Variants in SH3KBP1 observed in about 807,000 individuals in gnomAD.
SH3KBP1 encodes the protein SH3 domain containing kinase binding protein 1.
SH3KBP1 carries 8 observed loss-of-function variants against 50.1 expected under a neutral mutation model. The ratio of observed to expected loss-of-function variants is 0.16; its 90% CI spans 0.09 to 0.29. SH3KBP1 has a LOEUF of 0.29. SH3KBP1 is among the 10% of genes least tolerant of loss of function. The probability of loss-of-function intolerance (pLI) is 1.00; values close to 1 mark genes in which losing one functional copy is unlikely to be tolerated. For missense variants in SH3KBP1, 377 were observed against 535.2 expected, an observed-to-expected ratio of 0.70 and a Z score of 2.92; for synonymous variants, 227 against 218.6, an observed-to-expected ratio of 1.04 and a Z score of -0.34.
At chrX:19,874,048 C>CAAAAAA (rs55948760) in intron 1 of SH3KBP1, among the ~76,000 whole-genome samples, 1 of 26,292 alleles carries the variant, frequency 3.8e-5, no homozygotes. Flanking sequence ...GAGTCCATCT[C>CAAAAAA]AAAAAAAAAA....
At chrX:19,773,788 G>A (rs937599769) in intron 2 of SH3KBP1, among the ~76,000 whole-genome samples, 2 of 101,981 alleles carry the variant, frequency 2.0e-5, no homozygotes, top group African/African-American at 3.6e-5. Context: ...CCCGGGAGGC[G>A]GAGCTTGCAG....
chrX:19,561,991 C>A (rs1375842773), intron 13 of SH3KBP1, among the ~76,000 whole-genome samples: 1 of 110,237 alleles, frequency 9.1e-6, no homozygotes, highest in East Asian at 2.9e-4. Context: ...CGCTTGCCAC[C>A]ACCACATCCA....
chrX:19,704,784 T>G (rs2063614917), intron 4 of SH3KBP1, among the ~76,000 whole-genome samples: 1 of 112,288 alleles, frequency 8.9e-6, no homozygotes, highest in East Asian at 2.8e-4. Context: ...CAAATACATA[T>G]CTAAAAACCT....
intron 13 of SH3KBP1, among the ~76,000 whole-genome samples, chrX:19,554,471 G>T (rs1044946351): frequency 9.6e-6 from 1 of 104,402 alleles, no homozygotes; most frequent in African/African-American, 3.5e-5. Context: ...GTACAATCGC[G>T]GCTCACTGCA....
chrX:19,664,851 G>C (rs1242779792), intron 6 of SH3KBP1: 1 of 112,209 alleles, frequency 8.9e-6, no homozygotes, highest in Non-Finnish European at 1.9e-5. Flanking sequence ...TGAATGTAAA[G>C]GGAGTAAAGG....
rs5909316 is a variant in SH3KBP1, at chrX:19,561,073, A to G, written c.1384+8030T>C. Reference sequence around the variant, plus strand: ...TGGGCAACAGAGCAAGACCCTGTCTAAAAAAAAAAAAAAAAAAAAAAGAGC... The same window carrying G: ...TGGGCAACAGAGCAAGACCCTGTCTGAAAAAAAAAAAAAAAAAAAAAGAGC... On this transcript the variant is annotated intron_variant, in intron 13 of 17. Transcript: ENST00000397821. 3.1e-4 allele frequency among the ~76,000 whole-genome samples: 24 copies of G among 78,584 alleles called. 2 individuals are homozygous for G. In the East Asian group the frequency reaches 8.3e-3, roughly 27 times the overall value. The allele number at this position is 78,584 out of a possible 115,157, so 68.2% of individuals were successfully genotyped here. A position where few individuals can be genotyped will look rare whatever the true frequency, so the allele number is the denominator to read the frequency against.
intron 12 of SH3KBP1, among the ~76,000 whole-genome samples, chrX:19,583,780 T>C (rs1202252795): frequency 9.6e-6 from 1 of 104,610 alleles, no homozygotes; most frequent in Non-Finnish European, 1.9e-5. Context: ...ATAATTATGG[T>C]GCTATTAATA....
intron 2 of SH3KBP1, among the ~76,000 whole-genome samples, chrX:19,776,137 C>T (rs1706810887): frequency 9.0e-6 from 1 of 111,661 alleles, no homozygotes; most frequent in South Asian, 3.7e-4. Flanking sequence ...AGAAAGACCT[C>T]AGAAGATACT....
intron 2 of SH3KBP1, among the ~76,000 whole-genome samples, chrX:19,806,192 C>T (rs1442815580): frequency 9.0e-6 from 1 of 111,617 alleles, no homozygotes; most frequent in Non-Finnish European, 1.9e-5. Flanking sequence ...GTATGAAAAG[C>T]ATTTGAGCAG....
At chrX:19,760,041 C>CCTCTCCCTCTCT (rs1556346157) in intron 2 of SH3KBP1, among the ~76,000 whole-genome samples, 33 of 50,445 alleles carry the variant, frequency 6.5e-4, no homozygotes, top group Middle Eastern at 0.011. Flanking sequence ...TCTCTCTCTC[C>CCTCTCCCTCTCT]CTCTCTCTCT....
rs763413288 is a variant in SH3KBP1 at position 19,680,380 on chromosome X, CAAAAAAAAA to C, written c.726+3434_726+3442del. Among the ~76,000 whole-genome samples the C allele has an allele frequency of 1.9e-4, 7 of 37,786 alleles. No individual in the cohort carries two copies. In the Admixed American group the frequency reaches 2.5e-3, roughly 13 times the overall value. 32.8% of individuals were successfully genotyped at this position (37,786 alleles called of 115,157 possible). The stretch of plus-strand genomic sequence containing the variant: ...AGGCAACAGAGCAAGACTCTTGTTT[CAAAAAAAAA>C]AAAAAAAAAAAAACTTCACAAACCT... On this transcript the variant is annotated intron_variant, in intron 6 of 17. Coordinates refer to ENST00000397821, the MANE Select transcript of SH3KBP1 (RefSeq NM_031892.3).
intron 2 of SH3KBP1, among the ~76,000 whole-genome samples, chrX:19,799,969 C>T (rs1307503670): frequency 1.8e-5 from 2 of 111,487 alleles, no homozygotes; most frequent in Non-Finnish European, 3.8e-5. Flanking sequence ...GGAAGAGCCA[C>T]CTAATTAGGA....
intron 2 of SH3KBP1, among the ~76,000 whole-genome samples, chrX:19,770,095 A>G (rs970917233): frequency 1.8e-5 from 2 of 111,961 alleles, no homozygotes; most frequent in African/African-American, 6.5e-5. Flanking sequence ...GGTTTGTTAT[A>G]TAGGTAAACT....
intron 2 of SH3KBP1, among the ~76,000 whole-genome samples, chrX:19,813,167 A>T (rs2067257998): frequency 1.2e-5 from 1 of 85,325 alleles, no homozygotes; most frequent in South Asian, 4.3e-4. Flanking sequence ...AAAAAAGAAG[A>T]AGAAGAAGAA....
chrX:19,561,290 G>T (rs938326116), intron 13 of SH3KBP1, among the ~76,000 whole-genome samples: 44 of 110,016 alleles, frequency 4.0e-4, no homozygotes, highest in African/African-American at 1.4e-3. Flanking sequence ...AGAAAGGGCT[G>T]GCAGGCTCTC....
intron 2 of SH3KBP1, among the ~76,000 whole-genome samples, chrX:19,754,093 A>G (rs1215824284): frequency 8.9e-6 from 1 of 112,535 alleles, no homozygotes; most frequent in Non-Finnish European, 1.9e-5. Flanking sequence ...CTTTAACTGC[A>G]TATTTGCAAT....
chrX:19,600,607 G>A (rs2067058505), intron 9 of SH3KBP1, among the ~76,000 whole-genome samples: 2 of 111,078 alleles, frequency 1.8e-5, no homozygotes, highest in Admixed American at 1.9e-4. Flanking sequence ...AATGGGGCTG[G>A]GGTCCTCCGG....
intron 8 of SH3KBP1, among the ~76,000 whole-genome samples, chrX:19,627,470 G>A (rs777324677): frequency 2.7e-5 from 3 of 112,477 alleles, no homozygotes. Flanking sequence ...CAGGAACACA[G>A]ACACGGGAGT....
chrX:19,869,848 A>G (rs767063146), intron 1 of SH3KBP1, among the ~76,000 whole-genome samples: 3 of 112,552 alleles, frequency 2.7e-5, no homozygotes, highest in East Asian at 5.5e-4. Context: ...ATATACTGGC[A>G]CAACACTTTG....
Sources: gnomAD v4.1 joint callset for allele counts (sites outside exome capture counted in the v4.1 genomes callset) on GRCh38, gnomAD v4.1.1 for gene constraint, MANE v1.5 for transcripts, NCBI Gene and HGNC (gene_info 2026-07-23, HGNC 2026-07-21) for gene names.